The following BID variants were observed in gnomAD, a reference collection of about 807,000 sequenced individuals.
BID encodes the protein BH3-interacting domain death agonist.
Under a neutral mutation model 17.4 loss-of-function variants are expected in BID, and 19 were observed. The ratio of observed to expected loss-of-function variants is 1.09; its 90% CI spans 0.76 to 1.60. BID has a LOEUF of 1.60. Ranked by LOEUF, BID falls within the 40% of genes most tolerant of loss-of-function variation. The probability of loss-of-function intolerance (pLI) is 0.00; values close to 1 mark genes in which losing one functional copy is unlikely to be tolerated. For missense variants in BID, 226 were observed against 256.0 expected, an observed-to-expected ratio of 0.88 and a Z score of 0.80; for synonymous variants, 108 against 102.8, an observed-to-expected ratio of 1.05 and a Z score of -0.31.
chr22:17,762,596 GCTA>G (rs2061647919), intron 1 of BID, among the ~76,000 whole-genome samples: 4 of 37,452 alleles, frequency 1.1e-4, no homozygotes, highest in Admixed American at 9.0e-4. Flanking sequence ...TGTCAAGCAG[GCTA>G]GAGTGCAGTA....
At chr22:17,754,338 C>T (rs2061565607) in intron 1 of BID, among the ~76,000 whole-genome samples, 1 of 152,276 alleles carries the variant, frequency 6.6e-6, no homozygotes, top group Non-Finnish European at 1.5e-5. Flanking sequence ...CCGCAGGCCT[C>T]CCCTCCAATC....
rs142512747 is a variant in BID at position 17,760,184 on chromosome 22, G to T, written c.-58-10010C>A. 1.0e-4 allele frequency among the ~76,000 whole-genome samples: 15 copies of T among 145,510 alleles called. No individual in the cohort carries two copies. In the East Asian group the frequency reaches 3.1e-3, roughly 30 times the overall value. On this transcript the variant is annotated intron_variant, in intron 1 of 5. Transcript: ENST00000622694. ...TATCTGGCCGGGCACAATGACTCATGCCTATACTCCCAGCACTTTGGGAGG... is the reference window on the plus strand; with the variant it reads ...TATCTGGCCGGGCACAATGACTCATTCCTATACTCCCAGCACTTTGGGAGG...
chr22:17,751,782 G>A (rs942559880), intron 1 of BID, among the ~76,000 whole-genome samples: 1 of 152,240 alleles, frequency 6.6e-6, no homozygotes, highest in African/African-American at 2.4e-5. Context: ...CATTTCATAG[G>A]AAGGGACCAA....
In BID at chr22:17,738,066, T is replaced by A; in HGVS notation, c.527A>T (p.Asn176Ile). The change falls in exon 5 of 6, where the codon AAT (asparagine) becomes ATT (isoleucine). Residue 176 changes from asparagine (N) to isoleucine (I), a missense_variant. Coordinates refer to ENST00000622694, the MANE Select transcript of BID (RefSeq NM_001196.4). ...GGTGCGTAGGTTCTGGTTAATAAAA[T>A]TCACTGTTGTGTGAAAGACATCACG... ...LLRDVFHTTV[N>I]FINQNLRTYV... The A allele has an allele frequency of 6.2e-7, 1 of 1,614,178 alleles. No homozygotes were observed. Among genetic ancestry groups the A allele is most frequent in the South Asian group, 1.1e-5 (1 of 91,088 alleles).
intron 1 of BID, among the ~76,000 whole-genome samples, chr22:17,759,255 A>AAACAAAAAAAAC: frequency 6.7e-6 from 1 of 150,022 alleles, no homozygotes; most frequent in South Asian, 2.1e-4. Context: ...ACAAAAAAAA[A>AAACAAAAAAAAC]AAAACAAAAG....
At chr22:17,749,864 C>G (rs1305246529) in intron 2 of BID, among the ~76,000 whole-genome samples, 1 of 152,198 alleles carries the variant, frequency 6.6e-6, no homozygotes, top group Non-Finnish European at 1.5e-5. Context: ...GCCCCAGGCG[C>G]GGTGTGGAGG....
At chr22:17,753,062 G>A (rs1218888992) in intron 1 of BID, among the ~76,000 whole-genome samples, 1 of 149,056 alleles carries the variant, frequency 6.7e-6, no homozygotes, top group Non-Finnish European at 1.5e-5. Flanking sequence ...CGCCTCCCGG[G>A]TTCACGCCAT....
chr22:17,741,751 C>A, intron 3 of BID, among the ~76,000 whole-genome samples: 1 of 152,176 alleles, frequency 6.6e-6, no homozygotes, highest in Non-Finnish European at 1.5e-5. Flanking sequence ...GCTGGGATTA[C>A]AGGCGTGAAC....
At chr22:17,772,539 G>A (rs923133909) in intron 1 of BID, among the ~76,000 whole-genome samples, 4 of 152,208 alleles carry the variant, frequency 2.6e-5, no homozygotes, top group African/African-American at 9.7e-5. Flanking sequence ...CCTCGGTCAC[G>A]TCGAGGACCT....
At chr22:17,756,410 CT>C in intron 1 of BID, among the ~76,000 whole-genome samples, 1 of 40,518 alleles carries the variant, frequency 2.5e-5, no homozygotes, top group East Asian at 9.3e-3. Flanking sequence ...TTTCTTTTTT[CT>C]CTTTCTTTCT....
intron 5 of BID, among the ~76,000 whole-genome samples, chr22:17,736,243 C>G (rs1276173009): frequency 6.6e-6 from 1 of 152,052 alleles, no homozygotes; most frequent in Non-Finnish European, 1.5e-5. Context: ...GGCGGATCAC[C>G]TGAGGTTGGG....
chr22:17,768,494 G>T (rs4819630), intron 1 of BID, among the ~76,000 whole-genome samples: 12,071 of 152,284 alleles, frequency 0.079, 740 homozygotes, highest in Non-Finnish European at 0.12. Flanking sequence ...GAAGGCAGGT[G>T]TCCCTCAGCT....
intron 4 of BID, 72 bp from the exon 5 acceptor site, chr22:17,738,301 T>G (rs2061434539): frequency 2.8e-6 from 4 of 1,416,044 alleles, no homozygotes; most frequent in Admixed American, 1.8e-5. Context: ...GTCCCCAGTA[T>G]GAAGAAGCAC....
At chr22:17,756,531 C>T (rs866649685) in intron 1 of BID, among the ~76,000 whole-genome samples, 8 of 126,560 alleles carry the variant, frequency 6.3e-5, no homozygotes, top group Middle Eastern at 4.1e-3. Flanking sequence ...TCTTTCTTTC[C>T]TTCTTTCCTT....
rs2145866150 is a variant in BID, at chr22:17,734,405, G to GGAGT, written c.*1171_*1174dup. On this transcript the variant is annotated 3_prime_UTR_variant, in exon 6 of 6. Coordinates refer to ENST00000622694, the MANE Select transcript of BID (RefSeq NM_001196.4). ...CCAGTGGCCTCATGTTGTGGTCACAGGAGTTTCCTGTTCACAGCAATGTGT... is the reference window on the plus strand; with the variant it reads ...CCAGTGGCCTCATGTTGTGGTCACAGGAGTGAGTTTCCTGTTCACAGCAATGTGT... 1 of 152,354 alleles carries GGAGT rather than the reference G, an allele frequency of 6.6e-6. No individual in the cohort carries two copies. Among genetic ancestry groups the GGAGT allele is most frequent in the African/African-American group, 2.4e-5 (1 of 41,590 alleles). 9.4% of individuals were successfully genotyped at this position (152,354 alleles called of 1,614,324 possible).
At position 17,734,550 on chromosome 22, in the gene BID, T is replaced by C. The variant is rs2061406738; in HGVS notation, c.*1030A>G. ...AAAGCTAAGCTTTTCCTTATTTATT[T>C]TGGTACTACCTAAGTGACTTGGTTT... On this transcript the variant is annotated 3_prime_UTR_variant, in exon 6 of 6. Transcript: ENST00000622694. The C allele has an allele frequency of 6.6e-6, 1 of 152,244 alleles. No individual in the cohort carries two copies. The highest frequency in any genetic ancestry group is 1.5e-5 in the Non-Finnish European group (1 of 68,044). The allele number at this position is 152,244 out of a possible 1,614,324, so 9.4% of individuals were successfully genotyped here.
intron 3 of BID, 124 bp from the exon 4 acceptor site, chr22:17,739,612 G>C: frequency 7.7e-7 from 1 of 1,294,586 alleles, no homozygotes; most frequent in Non-Finnish European, 1.1e-6. Flanking sequence ...CCCCCACTGG[G>C]CACGTGCTCC....
At chr22:17,761,385 T>C (rs1003189652) in intron 1 of BID, among the ~76,000 whole-genome samples, 3 of 151,900 alleles carry the variant, frequency 2.0e-5, no homozygotes, top group African/African-American at 7.3e-5. Context: ...ACAGAACCTC[T>C]GCCATCCAGG....
chr22:17,772,936 G>C (rs1365717374), intron 1 of BID, among the ~76,000 whole-genome samples: 1 of 151,882 alleles, frequency 6.6e-6, no homozygotes, highest in African/African-American at 2.4e-5. Context: ...CGTCTATCCT[G>C]CCCAACCTCC....
Sources: gnomAD v4.1 joint callset for allele counts (sites outside exome capture counted in the v4.1 genomes callset) on GRCh38, gnomAD v4.1.1 for gene constraint, MANE v1.5 for transcripts, NCBI Gene and HGNC (gene_info 2026-07-23, HGNC 2026-07-21) for gene names.